SORCS1: variants seen among roughly 807,000 people sequenced by gnomAD.
SORCS1 encodes sortilin related VPS10 domain containing receptor 1.
A neutral mutation model predicts 146.1 loss-of-function variants in SORCS1; 60 were observed. The ratio of observed to expected loss-of-function variants is 0.41; its 90% CI spans 0.33 to 0.51. The LOEUF is 0.51. SORCS1 is among the 20% of genes least tolerant of loss of function. SORCS1 has a pLI of 0.21. For missense variants in SORCS1, 1,352 were observed against 1,487.6 expected (o/e 0.91, Z 1.50); for synonymous variants, 637 against 584.0 (o/e 1.09, Z -1.31).
At chr10:107,008,647 A>G (rs1564920358) in intron 1 of SORCS1, among the ~76,000 whole-genome samples, 1 of 152,218 alleles carries the variant, frequency 6.6e-6, no homozygotes, top group Non-Finnish European at 1.5e-5. Context: ...CATACTGGAT[A>G]AATTTGCTTA....
chr10:106,634,479 C>A (rs533604735), intron 18 of SORCS1, among the ~76,000 whole-genome samples: 2 of 152,286 alleles, frequency 1.3e-5, no homozygotes, highest in African/African-American at 4.8e-5. Context: ...CATAAAGTCA[C>A]GCAGCTAGTT....
intron 1 of SORCS1, among the ~76,000 whole-genome samples, chr10:107,049,222 G>C (rs1297528650): frequency 7.2e-6 from 1 of 138,510 alleles, no homozygotes. Flanking sequence ...TGAACAATGA[G>C]AACACATGGA....
chr10:106,710,199 A>G (rs1347369780), intron 6 of SORCS1, among the ~76,000 whole-genome samples: 1 of 152,332 alleles, frequency 6.6e-6, no homozygotes, highest in Admixed American at 6.5e-5. Context: ...CTGTAATCCC[A>G]GCACTTTGGG....
At chr10:106,717,725 A>C (rs1855478103) in intron 6 of SORCS1, among the ~76,000 whole-genome samples, 3 of 152,250 alleles carry the variant, frequency 2.0e-5, no homozygotes, top group Non-Finnish European at 1.5e-5. Flanking sequence ...AGTAATTGCC[A>C]AAAACCGCAA....
intron 1 of SORCS1, among the ~76,000 whole-genome samples, chr10:107,032,105 A>G (rs542250117): frequency 5.3e-5 from 8 of 152,130 alleles, no homozygotes; most frequent in Non-Finnish European, 8.8e-5. Flanking sequence ...TCTCTGTGGG[A>G]CTAAGACTCT....
intron 6 of SORCS1, among the ~76,000 whole-genome samples, chr10:106,724,747 C>T (rs1856029074): frequency 6.6e-6 from 1 of 152,186 alleles, no homozygotes; most frequent in Admixed American, 6.5e-5. Flanking sequence ...AAGAGCCAAA[C>T]TGGCAAGTGG....
At chr10:106,670,782 C>G (rs778723089) in intron 16 of SORCS1, among the ~76,000 whole-genome samples, 1 of 151,584 alleles carries the variant, frequency 6.6e-6, no homozygotes, top group East Asian at 1.9e-4. Context: ...CAATCTCTAC[C>G]TCCTGGGTTC....
intron 19 of SORCS1, among the ~76,000 whole-genome samples, chr10:106,628,076 G>A (rs1848214033): frequency 1.3e-5 from 2 of 152,166 alleles, no homozygotes; most frequent in East Asian, 3.9e-4. Context: ...GCCAAAAATA[G>A]GCAGATTGAG....
At chr10:106,738,071 T>C (rs1270608073) in intron 5 of SORCS1, among the ~76,000 whole-genome samples, 3 of 152,182 alleles carry the variant, frequency 2.0e-5, no homozygotes, top group African/African-American at 7.2e-5. Context: ...TTTCAGTCGT[T>C]GTCTATTGAT....
At chr10:106,915,354 C>A (rs1952366758) in intron 2 of SORCS1, among the ~76,000 whole-genome samples, 1 of 152,156 alleles carries the variant, frequency 6.6e-6, no homozygotes, top group South Asian at 2.1e-4. Flanking sequence ...GCATTTCTAC[C>A]AATAAAACCT....
intron 1 of SORCS1, among the ~76,000 whole-genome samples, chr10:107,086,720 T>C (rs1032676689): frequency 6.6e-6 from 1 of 152,182 alleles, no homozygotes; most frequent in Non-Finnish European, 1.5e-5. Flanking sequence ...TCACATTATT[T>C]AACTCCACCT....
At chr10:107,177,812 T>C in the SORCS1 span, among the ~76,000 whole-genome samples, 2 of 152,250 alleles carry the variant, frequency 1.3e-5, no homozygotes. Flanking sequence ...TGTGGAATAC[T>C]ATGCAGTCAT....
At chr10:107,103,921 T>C (rs1965123476) in intron 1 of SORCS1, among the ~76,000 whole-genome samples, 1 of 152,224 alleles carries the variant, frequency 6.6e-6, no homozygotes, top group South Asian at 2.1e-4. Flanking sequence ...ATCATTTCAC[T>C]GTGAGTTGCC....
intron 2 of SORCS1, among the ~76,000 whole-genome samples, chr10:106,840,994 T>C (rs556892633): frequency 1.0e-3 from 159 of 151,454 alleles, no homozygotes; most frequent in African/African-American, 3.5e-3. Context: ...TAGCTGGGAC[T>C]ACAGGTGCAC....
chr10:106,985,599 G>A (rs896431366), intron 1 of SORCS1, among the ~76,000 whole-genome samples: 6 of 148,436 alleles, frequency 4.0e-5, no homozygotes, highest in Non-Finnish European at 7.4e-5. Flanking sequence ...GCAGTGGCAC[G>A]ATCTTGGCTC....
rs140244768 is a variant in SORCS1 at position 106,802,149 on chromosome 10, A to G, written c.727-25457T>C. On this transcript the variant is annotated intron_variant, in intron 3 of 25. Transcript: ENST00000263054. ...AGACAGAAAGTTGCATATGGAGAGT[A>G]AAGACAGAGTCCCAAAAAGAGCATA... Among the ~76,000 whole-genome samples, 262 of 152,346 alleles carry G rather than the reference A, an allele frequency of 1.7e-3. 1 individual carries two copies. The highest frequency in any genetic ancestry group is 3.0e-3 in the Non-Finnish European group (205 of 68,034).
At chr10:106,948,847 G>C (rs1014287015) in intron 2 of SORCS1, among the ~76,000 whole-genome samples, 2 of 152,080 alleles carry the variant, frequency 1.3e-5, no homozygotes, top group African/African-American at 4.8e-5. Flanking sequence ...TGTAGTCCCA[G>C]CTACTCTGGA....
chr10:106,970,370 CTCT>C (rs1419234096), intron 1 of SORCS1, among the ~76,000 whole-genome samples: 1 of 94,350 alleles, frequency 1.1e-5, no homozygotes, highest in African/African-American at 5.6e-5. Flanking sequence ...TGGAGTTTCA[CTCT>C]TGTCTCCCAG....
intron 17 of SORCS1, among the ~76,000 whole-genome samples, chr10:106,661,179 C>T (rs768330047): frequency 9.9e-5 from 15 of 151,948 alleles, no homozygotes; most frequent in East Asian, 5.8e-4. Context: ...TTATAGATAC[C>T]GAAAGAGAAA....
Sources: allele counts gnomAD v4.1 joint callset (sites outside exome capture counted in the v4.1 genomes callset), GRCh38; gene constraint gnomAD v4.1.1; transcripts MANE v1.5; gene names NCBI Gene and HGNC (gene_info 2026-07-23, HGNC 2026-07-21).